FNDC8: variants seen among roughly 807,000 people sequenced by gnomAD.
FNDC8 encodes fibronectin type III domain containing 8, also known as fibronectin type III domain-containing protein 8.
FNDC8 carries 23 observed loss-of-function variants against 24.8 expected under a neutral mutation model. The ratio of observed to expected loss-of-function variants is 0.93; its 90% confidence interval spans 0.67 to 1.31. The LOEUF (loss-of-function observed/expected upper bound fraction) is 1.31, where lower values mean the gene tolerates loss of function less well. FNDC8 is among the 40% of genes most tolerant of loss of function. FNDC8 has a pLI of 0.00. For missense variants in FNDC8, 371 were observed against 398.2 expected, an observed-to-expected ratio of 0.93 and a Z score of 0.58; for synonymous variants, 158 against 165.3, an observed-to-expected ratio of 0.96 and a Z score of 0.34.
intron 1 of FNDC8, among the ~76,000 whole-genome samples, chr17:35,124,580 G>A (rs2091841816): frequency 1.3e-5 from 2 of 151,956 alleles, no homozygotes; most frequent in East Asian, 1.9e-4. Flanking sequence ...GGAAATTCCA[G>A]AGCCCATTGC....
intron 1 of FNDC8, among the ~76,000 whole-genome samples, chr17:35,122,825 C>A (rs557107882): frequency 1.3e-5 from 2 of 152,310 alleles, no homozygotes; most frequent in African/African-American, 4.8e-5. Flanking sequence ...ACAGTCCCTG[C>A]CTTTAAGGAG....
chr17:35,125,187 A>T (rs1016088701), intron 1 of FNDC8, among the ~76,000 whole-genome samples: 2 of 152,192 alleles, frequency 1.3e-5, no homozygotes, highest in Admixed American at 1.3e-4. Context: ...ACAGTGGCTC[A>T]TACCTATAAT....
At chr17:35,129,356 G>T in intron 2 of FNDC8, 66 bp from the exon 3 acceptor site, 1 of 1,570,870 alleles carries the variant, frequency 6.4e-7, no homozygotes, top group Non-Finnish European at 8.7e-7. Context: ...ACCCCAGTTG[G>T]GAGGGTGAAG....
intron 2 of FNDC8, among the ~76,000 whole-genome samples, chr17:35,128,391 T>C (rs1313202829): frequency 6.6e-6 from 1 of 152,238 alleles, no homozygotes; most frequent in Non-Finnish European, 1.5e-5. Context: ...CACACCAAGT[T>C]TGACAAACAC....
chr17:35,121,820 C>T lies in FNDC8; in HGVS notation c.127C>T (p.Arg43Trp), dbSNP rs978663900. 5.6e-6 allele frequency: 9 copies of T among 1,613,592 alleles called. No individual in the cohort carries two copies. The highest frequency in any genetic ancestry group is 1.7e-5 in the Admixed American group (1 of 59,960). ...KPFSNPKSMNRTVTTKGLPLA... is the reference protein window; with the variant it reads ...KPFSNPKSMNWTVTTKGLPLA... ...CTTTTCAAACCCCAAGTCTATGAAC[C>T]GGACCGTCACTACCAAAGGACTCCC... Residue 43 changes from arginine (R) to tryptophan (W), a missense_variant, in exon 1 of 4, where the codon CGG (arginine) becomes TGG (tryptophan). By Grantham distance (101) the Arg-to-Trp change is moderately radical. Transcript: ENST00000158009.
At chr17:35,128,131 A>G (rs1250045908) in intron 2 of FNDC8, among the ~76,000 whole-genome samples, 2 of 152,232 alleles carry the variant, frequency 1.3e-5, no homozygotes, top group African/African-American at 2.4e-5. Flanking sequence ...CTTTGTAAAA[A>G]GCTTCACATC....
chr17:35,127,140 C>A lies in FNDC8; in HGVS notation c.308C>A (p.Thr103Asn). 1 of 1,614,238 alleles carries A rather than the reference C, an allele frequency of 6.2e-7. No homozygotes were observed. The highest frequency in any genetic ancestry group is 8.5e-7 in the Non-Finnish European group (1 of 1,180,044). The change falls in exon 2 of 4, where the codon ACC becomes AAC. Residue 103 changes from threonine (T) to asparagine (N), a missense_variant. Transcript: ENST00000158009. ...CTGAACCCCATCAAATTAGCTGTGA[C>A]CCAGCCCAACAGCAGCTTCTTTGCA... ...TLLNPIKLAV[T>N]QPNSSFFAGM...
At chr17:35,127,502 G>A in intron 2 of FNDC8, 85 bp downstream of exon 2, 1 of 1,423,862 alleles carries the variant, frequency 7.0e-7, no homozygotes. Context: ...GAAGGTGCCT[G>A]CCACCTGCAT....
Position 35,127,391 on chromosome 17 carries a change from C to A in FNDC8, c.559C>A (p.His187Asn). 1.3e-6 allele frequency: 2 copies of A among 1,567,962 alleles called. No individual in the cohort carries two copies. The highest frequency in any genetic ancestry group is 1.7e-6 in the Non-Finnish European group (2 of 1,157,722). ...DLPDTPFIFE[H>N]TVNNSTAVIS... The stretch of plus-strand genomic sequence containing the variant: ...GCCGGACACCCCCTTCATCTTTGAG[C>A]ACACCGTCAACAATTCCACAGCTGT... Residue 187 changes from histidine to asparagine, a missense_variant, in exon 2 of 4, where the codon CAC becomes AAC. By Grantham distance (68) the His-to-Asn change is moderately conservative. Transcript: ENST00000158009.
intron 1 of FNDC8, 121 bp from the exon 2 acceptor site, chr17:35,126,921 G>A: frequency 1.6e-6 from 2 of 1,265,358 alleles, no homozygotes; most frequent in Non-Finnish European, 2.2e-6. Flanking sequence ...CAATGAGGCT[G>A]TTCCAAGCTG....
At chr17:35,125,136 C>T (rs952150204) in intron 1 of FNDC8, among the ~76,000 whole-genome samples, 9 of 151,738 alleles carry the variant, frequency 5.9e-5, no homozygotes, top group African/African-American at 1.9e-4. Flanking sequence ...TTTGTAATAG[C>T]AAACATCTCA....
intron 1 of FNDC8, among the ~76,000 whole-genome samples, chr17:35,122,210 A>ATATATATTTT (rs1567738668): frequency 6.7e-5 from 3 of 44,798 alleles, no homozygotes; most frequent in African/African-American, 1.6e-4. Flanking sequence ...ATATATATAA[A>ATATATATTTT]TTTTTTTTTT....
intron 3 of FNDC8, 110 bp downstream of exon 3, chr17:35,129,768 G>A (rs2091865434): frequency 1.4e-6 from 2 of 1,476,648 alleles, no homozygotes; most frequent in Non-Finnish European, 1.8e-6. Context: ...CATCTGGCTA[G>A]CTTTCCTTCT....
In FNDC8 at chr17:35,130,594, T is replaced by A; in HGVS notation, c.*160T>A. 2.7e-6 allele frequency: 2 copies of A among 751,864 alleles called. No homozygotes were observed. The highest frequency in any genetic ancestry group is 4.0e-4 in the Middle Eastern group (1 of 2,518). 46.6% of individuals were successfully genotyped at this position (751,864 alleles called of 1,614,324 possible). Reference sequence around the variant, plus strand: ...CCCCTGGGCTGGGGCCAAGGCTACATAGGGGCCCCATTCACCTGGAGGCAT... The same window carrying A: ...CCCCTGGGCTGGGGCCAAGGCTACAAAGGGGCCCCATTCACCTGGAGGCAT... On this transcript the variant is annotated 3_prime_UTR_variant, in exon 4 of 4. Coordinates refer to ENST00000158009, the MANE Select transcript of FNDC8 (RefSeq NM_017559.4).
intron 1 of FNDC8, 28 bp from the exon 2 acceptor site, chr17:35,127,014 G>A: frequency 6.4e-7 from 1 of 1,550,892 alleles, no homozygotes; most frequent in Non-Finnish European, 8.7e-7. Context: ...TCCTTCATCT[G>A]ATTCACCTGT....
chr17:35,129,120 T>C, intron 2 of FNDC8: 1 of 315,212 alleles, frequency 3.2e-6, no homozygotes, highest in East Asian at 5.8e-5. Context: ...TGCTATCCAG[T>C]TCCTAACAGG....
Position 35,130,396 on chromosome 17 carries a change from C to T in FNDC8, c.937C>T (p.Arg313Trp), listed in dbSNP as rs199634203. 93 of 1,613,922 alleles carry T rather than the reference C, an allele frequency of 5.8e-5. No homozygotes were observed. The highest frequency in any genetic ancestry group is 1.5e-4 in the African/African-American group (11 of 74,892). ...CGTGTCCATCGGGCCGGAGGAGATG[C>T]GGAGGCTGGAGGATCTGGAATACCT... Reference protein sequence around the residue: ...KIVSIGPEEMRRLEDLEYLFP... With the variant: ...KIVSIGPEEMWRLEDLEYLFP... The change falls in exon 4 of 4, where the codon CGG (arginine) becomes TGG (tryptophan). Residue 313 changes from arginine (R) to tryptophan (W), a missense_variant. Arg to Trp is a moderately radical substitution (Grantham distance 101). Coordinates refer to ENST00000158009, the MANE Select transcript of FNDC8 (RefSeq NM_017559.4).
At position 35,121,730 on chromosome 17, in the gene FNDC8, GAGGA is replaced by G; in HGVS notation, c.38_41del (p.Glu13GlyfsTer4). 1 of 1,614,014 alleles carries G rather than the reference GAGGA, an allele frequency of 6.2e-7. No homozygotes were observed. Among genetic ancestry groups the G allele is most frequent in the Non-Finnish European group, 8.5e-7 (1 of 1,180,004 alleles). ...GGCACTCCATCAAGTGGGAGATGGGGAGGAGGCTGTACTGAAGAAAGAAAACTTC... is the reference window on the plus strand; with the variant it reads ...GGCACTCCATCAAGTGGGAGATGGGGGGCTGTACTGAAGAAAGAAAACTTC... On this transcript the variant is annotated frameshift_variant, in exon 1 of 4. Transcript: ENST00000158009. LOFTEE classifies it high-confidence loss of function.
chr17:35,122,159 T>C (rs1321198813), intron 1 of FNDC8, among the ~76,000 whole-genome samples: 2 of 18,616 alleles, frequency 1.1e-4, no homozygotes, highest in Admixed American at 1.5e-3. Flanking sequence ...CTAATTTTCA[T>C]ATATATATAT....
Sources: allele counts gnomAD v4.1 joint callset (sites outside exome capture counted in the v4.1 genomes callset), GRCh38; gene constraint gnomAD v4.1.1; transcripts MANE v1.5; gene names NCBI Gene and HGNC (gene_info 2026-07-23, HGNC 2026-07-21).